Variants in HECW1 observed in about 807,000 individuals in gnomAD.
HECW1 encodes the protein E3 ubiquitin-protein ligase HECW1.
Under a neutral mutation model 182.3 loss-of-function variants are expected in HECW1, and 61 were observed. The ratio of observed to expected loss-of-function variants is 0.33; its 90% CI spans 0.27 to 0.41. The LOEUF (loss-of-function observed/expected upper bound fraction) is 0.41, where lower values mean the gene tolerates loss of function less well. Ranked by LOEUF, HECW1 falls within the 10% of genes least tolerant of loss-of-function variation. The pLI is 1.00. For synonymous variants in HECW1, 859 were observed against 832.6 expected (o/e 1.03, Z -0.55); for missense variants, 1,739 against 2,108.9 (o/e 0.82, Z 3.44).
intron 2 of HECW1, among the ~76,000 whole-genome samples, chr7:43,198,244 GTC>G (rs1466371873): frequency 1.5e-5 from 2 of 135,016 alleles, no homozygotes; most frequent in South Asian, 2.4e-4. Context: ...ACATCCCACA[GTC>G]TCTCACACAC....
chr7:43,292,958 G>A (rs1312950629), intron 3 of HECW1, among the ~76,000 whole-genome samples: 2 of 151,968 alleles, frequency 1.3e-5, no homozygotes, highest in East Asian at 1.9e-4. Context: ...ATGAAAGTAC[G>A]TCACACCTGT....
chr7:43,283,869 A>G (rs902804343), intron 3 of HECW1, among the ~76,000 whole-genome samples: 1 of 152,200 alleles, frequency 6.6e-6, no homozygotes. Flanking sequence ...CAAGTTAATT[A>G]AATTGTCATT....
At chr7:43,204,232 A>G (rs1257788517) in intron 2 of HECW1, among the ~76,000 whole-genome samples, 1 of 152,240 alleles carries the variant, frequency 6.6e-6, no homozygotes. Flanking sequence ...AAATTTCAAA[A>G]GAAAGCTTGA....
At chr7:43,324,645 T>A (rs1810558109) in intron 5 of HECW1, among the ~76,000 whole-genome samples, 1 of 152,184 alleles carries the variant, frequency 6.6e-6, no homozygotes, top group Non-Finnish European at 1.5e-5. Flanking sequence ...AATAAGACTC[T>A]TTGCAGTCTC....
intron 8 of HECW1, among the ~76,000 whole-genome samples, chr7:43,408,167 T>G (rs1433417421): frequency 6.6e-6 from 1 of 152,158 alleles, no homozygotes; most frequent in Non-Finnish European, 1.5e-5. Flanking sequence ...GTTCCTGGGA[T>G]AGGTGAATCA....
At position 43,541,863 on chromosome 7, in the gene HECW1, A is replaced by G; in HGVS notation, c.4119-6A>G. 1 of 1,490,816 alleles carries G rather than the reference A, an allele frequency of 6.7e-7. No individual in the cohort carries two copies. Among genetic ancestry groups the G allele is most frequent in the South Asian group, 1.5e-5 (1 of 67,606 alleles). The allele number at this position is 1,490,816 out of a possible 1,614,324, so 92.3% of individuals were successfully genotyped here. A position where few individuals can be genotyped will look rare whatever the true frequency, so the allele number is the denominator to read the frequency against. Reference sequence around the variant, plus strand: ...GTAATTTGCCTTTCTCACTGAATTCACCCAGGCCCTGTGATTTGAGTGACC... The same window carrying G: ...GTAATTTGCCTTTCTCACTGAATTCGCCCAGGCCCTGTGATTTGAGTGACC... On this transcript the variant is annotated splice_region_variant and splice_polypyrimidine_tract_variant and intron_variant, in intron 25 of 29. Coordinates refer to ENST00000395891, the MANE Select transcript of HECW1 (RefSeq NM_015052.5).
intron 3 of HECW1, among the ~76,000 whole-genome samples, chr7:43,259,844 TG>T (rs1358975672): frequency 6.6e-6 from 1 of 152,188 alleles, no homozygotes; most frequent in Non-Finnish European, 1.5e-5. Flanking sequence ...GCCTAAAATG[TG>T]AGTAGTTGCA....
chr7:43,389,385 A>G (rs1248843745), intron 6 of HECW1, among the ~76,000 whole-genome samples: 2 of 152,240 alleles, frequency 1.3e-5, no homozygotes, highest in Non-Finnish European at 2.9e-5. Context: ...ATTCTGATGC[A>G]TGCTAAAGTT....
At chr7:43,331,792 G>C (rs536470344) in intron 5 of HECW1, among the ~76,000 whole-genome samples, 1 of 152,286 alleles carries the variant, frequency 6.6e-6, no homozygotes, top group East Asian at 1.9e-4. Context: ...CTTGCCTAAG[G>C]TTCAGAGTGG....
chr7:43,520,169 T>C (rs547855903), intron 24 of HECW1, among the ~76,000 whole-genome samples: 44 of 152,294 alleles, frequency 2.9e-4, no homozygotes, highest in Non-Finnish European at 5.3e-4. Context: ...TTCTACAAAC[T>C]GTTCTACACA....
At chr7:43,325,800 C>G (rs1298564268) in intron 5 of HECW1, among the ~76,000 whole-genome samples, 1 of 152,158 alleles carries the variant, frequency 6.6e-6, no homozygotes, top group African/African-American at 2.4e-5. Flanking sequence ...CTGTCTTGCC[C>G]CTCGTTTCCT....
intron 8 of HECW1, among the ~76,000 whole-genome samples, chr7:43,426,046 G>A (rs1453160448): frequency 6.6e-6 from 1 of 152,238 alleles, no homozygotes; most frequent in Admixed American, 6.5e-5. Context: ...ACTGGGATGA[G>A]GAGAGACAGA....
At chr7:43,406,614 A>G (rs934400513) in intron 7 of HECW1, among the ~76,000 whole-genome samples, 2 of 152,132 alleles carry the variant, frequency 1.3e-5, no homozygotes, top group Non-Finnish European at 2.9e-5. Flanking sequence ...ATAATAGAAA[A>G]GCTTTAAAAA....
chr7:43,461,715 GA>G (rs2077589788), intron 13 of HECW1, among the ~76,000 whole-genome samples: 1 of 152,116 alleles, frequency 6.6e-6, no homozygotes. Context: ...TACAACAAAT[GA>G]TTCTCTCTGT....
chr7:43,300,677 C>T (rs570331455), intron 3 of HECW1, among the ~76,000 whole-genome samples: 1 of 152,154 alleles, frequency 6.6e-6, no homozygotes, highest in Non-Finnish European at 1.5e-5. Flanking sequence ...TCATCCGGGG[C>T]ACTTTGATCA....
At chr7:43,557,312 C>T (rs1255441525) in intron 29 of HECW1, among the ~76,000 whole-genome samples, 1 of 152,176 alleles carries the variant, frequency 6.6e-6, no homozygotes, top group Non-Finnish European at 1.5e-5. Context: ...CAAGTCCTTC[C>T]TCTGCAGAAA....
intron 3 of HECW1, among the ~76,000 whole-genome samples, chr7:43,281,957 C>T (rs1391533783): frequency 1.3e-5 from 2 of 152,124 alleles, no homozygotes; most frequent in Non-Finnish European, 2.9e-5. Flanking sequence ...GACACTCTCT[C>T]CATGAGCCTT....
intron 2 of HECW1, among the ~76,000 whole-genome samples, chr7:43,222,560 T>C (rs1450285037): frequency 6.6e-6 from 1 of 152,210 alleles, no homozygotes; most frequent in Non-Finnish European, 1.5e-5. Context: ...CTTTTGATCA[T>C]ATTTTCTTCA....
chr7:43,214,206 CAT>C (rs1491123115), intron 2 of HECW1, among the ~76,000 whole-genome samples: 7 of 151,422 alleles, frequency 4.6e-5, no homozygotes, highest in African/African-American at 1.7e-4. Context: ...TTTTCAAATA[CAT>C]TTTTTTGTTT....
Sources: allele counts gnomAD v4.1 joint callset (sites outside exome capture counted in the v4.1 genomes callset), GRCh38; gene constraint gnomAD v4.1.1; transcripts MANE v1.5; gene names NCBI Gene and HGNC (gene_info 2026-07-23, HGNC 2026-07-21).